ZNF484: variants seen among roughly 807,000 people sequenced by gnomAD.
ZNF484 encodes zinc finger protein 484.
ZNF484 carries 11 observed loss-of-function variants against 12.9 expected under a neutral mutation model. The observed-to-expected ratio is 0.85, with a 90% CI of 0.54 to 1.41. The LOEUF (loss-of-function observed/expected upper bound fraction) is 1.41, where lower values mean the gene tolerates loss of function less well. Among genes scored for constraint, ZNF484 ranks in the 40% most tolerant of loss-of-function variants. ZNF484 has a pLI of 0.00. For missense variants in ZNF484, 807 were observed against 1,007.7 expected (o/e 0.80, Z 2.70); for synonymous variants, 289 against 334.1 (o/e 0.86, Z 1.47).
chr9:92,847,515 C>T lies in ZNF484; in HGVS notation c.1272G>A (p.Lys424=), dbSNP rs1353335168. The change falls in exon 5 of 5, where the codon AAG becomes AAA. Residue 424 remains lysine (K), a synonymous_variant. Coordinates refer to ENST00000375495, the MANE Select transcript of ZNF484 (RefSeq NM_031486.4). The stretch of plus-strand genomic sequence containing the variant: ...TTCTTTCATGTGTGATAAAATGTGA[C>T]TTCCGGATAAAGGCCTTCCCACATT... ...CTECGKAFIR[K]SHFITHERIH... is the part of the protein sequence containing the mutation. 46 of 1,612,890 alleles carry T rather than the reference C, an allele frequency of 2.9e-5. No individual in the cohort carries two copies. Among genetic ancestry groups the T allele is most frequent in the Non-Finnish European group, 3.7e-5 (44 of 1,179,658 alleles).
In ZNF484 at chr9:92,847,566, T is replaced by C. The variant is rs1855741042; in HGVS notation, c.1221A>G (p.Thr407=). The C allele has an allele frequency of 1.2e-6, 2 of 1,614,204 alleles. No individual in the cohort carries two copies. Among genetic ancestry groups the C allele is most frequent in the Non-Finnish European group, 1.7e-6 (2 of 1,180,028 alleles). Residue 407 remains threonine, a synonymous_variant, in exon 5 of 5, where the codon ACA becomes ACG. Coordinates refer to ENST00000375495, the MANE Select transcript of ZNF484 (RefSeq NM_031486.4). ...STLSMHQKIH[T]GEKPYVCTEC... is the part of the protein sequence containing the mutation. Reference sequence around the variant, plus strand: ...CAGTACATACATAAGGTTTTTCTCCTGTATGGATTTTCTGATGCATACTTA... The same window carrying C: ...CAGTACATACATAAGGTTTTTCTCCCGTATGGATTTTCTGATGCATACTTA...
Position 92,847,482 on chromosome 9 carries a change from A to C in ZNF484, c.1305T>G (p.Thr435=). 1 of 1,612,588 alleles carries C rather than the reference A, an allele frequency of 6.2e-7. No individual in the cohort carries two copies. Among genetic ancestry groups the C allele is most frequent in the Non-Finnish European group, 8.5e-7 (1 of 1,179,530 alleles). ...SHFITHERIH[T]GEKPYECSDC... ...CACTGCATTCATAGGGTTTTTCTCC[A>C]GTATGAATTCTTTCATGTGTGATAA... Residue 435 remains threonine, a synonymous_variant, in exon 5 of 5, where the codon ACT becomes ACG. Coordinates refer to ENST00000375495, the MANE Select transcript of ZNF484 (RefSeq NM_031486.4).
At chr9:92,865,075 T>C (rs1856993436) in intron 2 of ZNF484, among the ~76,000 whole-genome samples, 2 of 152,116 alleles carry the variant, frequency 1.3e-5, no homozygotes, top group South Asian at 2.1e-4. Context: ...AGAAAGAGTA[T>C]ATTCATCATT....
chr9:92,874,341 C>T (rs1405774495), intron 2 of ZNF484, among the ~76,000 whole-genome samples: 3 of 140,454 alleles, frequency 2.1e-5, no homozygotes, highest in Admixed American at 7.5e-5. Context: ...GACAGAGTTT[C>T]GCTCTTGTTG....
At chr9:92,873,239 C>G (rs1164918972) in intron 2 of ZNF484, among the ~76,000 whole-genome samples, 1 of 152,150 alleles carries the variant, frequency 6.6e-6, no homozygotes, top group Admixed American at 6.5e-5. Flanking sequence ...AGAAGAGAAC[C>G]CTCATCAGAA....
chr9:92,851,396 T>G (rs1248674983), intron 4 of ZNF484, among the ~76,000 whole-genome samples: 1 of 152,246 alleles, frequency 6.6e-6, no homozygotes, highest in African/African-American at 2.4e-5. Flanking sequence ...GAAATTCAAA[T>G]TTCAGTGTCC....
At chr9:92,851,048 C>T (rs187234097) in intron 4 of ZNF484, among the ~76,000 whole-genome samples, 58 of 152,324 alleles carry the variant, frequency 3.8e-4, no homozygotes, top group Non-Finnish European at 1.5e-5. Context: ...AGCTTGTAGC[C>T]AAGCACATGG....
Position 92,848,238 on chromosome 9 carries a change from C to A in ZNF484, c.549G>T (p.Lys183Asn). 1 of 1,614,190 alleles carries A rather than the reference C, an allele frequency of 6.2e-7. No homozygotes were observed. Among genetic ancestry groups the A allele is most frequent in the Non-Finnish European group, 8.5e-7 (1 of 1,180,032 alleles). ...KRPHNCNSCGKNLEPIITLYN... is the reference protein window; with the variant it reads ...KRPHNCNSCGNNLEPIITLYN... Reference sequence around the variant, plus strand: ...ATAAGGTTATGATAGGCTCCAAATTCTTTCCACACGAGTTACAGTTATGGG... The same window carrying A: ...ATAAGGTTATGATAGGCTCCAAATTATTTCCACACGAGTTACAGTTATGGG... Residue 183 changes from lysine (K) to asparagine (N), a missense_variant, in exon 5 of 5, where the codon AAG (lysine) becomes AAT (asparagine). By Grantham distance (94) the Lys-to-Asn change is moderately conservative (BLOSUM62 0). Transcript: ENST00000375495. The surrounding 1 kb of genome is among the most constrained non-coding windows in gnomAD (Gnocchi z 4.1).
intron 1 of ZNF484, 95 bp downstream of exon 1, chr9:92,877,795 T>G: frequency 6.5e-7 from 1 of 1,535,594 alleles, no homozygotes; most frequent in Non-Finnish European, 8.7e-7. Context: ...CACTATTCCA[T>G]CCACTGACCG....
chr9:92,867,881 T>A (rs1857201812), intron 2 of ZNF484, among the ~76,000 whole-genome samples: 1 of 152,130 alleles, frequency 6.6e-6, no homozygotes, highest in Non-Finnish European at 1.5e-5. Flanking sequence ...AAACTGAGGG[T>A]GGTCTTGGAG....
At chr9:92,863,278 G>GTA (rs1856883550) in intron 2 of ZNF484, among the ~76,000 whole-genome samples, 1 of 110,786 alleles carries the variant, frequency 9.0e-6, no homozygotes, top group Non-Finnish European at 1.7e-5. Flanking sequence ...GAAGGGTGGG[G>GTA]GGTGGGAGAG....
intron 2 of ZNF484, among the ~76,000 whole-genome samples, chr9:92,874,262 T>C (rs1587773485): frequency 6.6e-6 from 1 of 151,948 alleles, no homozygotes; most frequent in Non-Finnish European, 1.5e-5. Flanking sequence ...AGCACTGTTC[T>C]ATAAGACAGC....
At chr9:92,863,618 AAGG>A (rs1856903569) in intron 2 of ZNF484, among the ~76,000 whole-genome samples, 1 of 152,142 alleles carries the variant, frequency 6.6e-6, no homozygotes, top group African/African-American at 2.4e-5. Context: ...GAGTAAGAAA[AAGG>A]AGGAACTAAA....
chr9:92,866,956 A>T (rs1205993459), intron 2 of ZNF484, among the ~76,000 whole-genome samples: 2 of 152,128 alleles, frequency 1.3e-5, no homozygotes, highest in Non-Finnish European at 2.9e-5. Flanking sequence ...ACACACAGAC[A>T]CAGGGCAGGG....
intron 2 of ZNF484, among the ~76,000 whole-genome samples, chr9:92,862,927 A>G (rs1856859759): frequency 6.6e-6 from 1 of 152,170 alleles, no homozygotes; most frequent in African/African-American, 2.4e-5. Context: ...TATATACCCA[A>G]AGGAATATAA....
chr9:92,856,101 T>C, intron 3 of ZNF484, 91 bp downstream of exon 3: 2 of 1,551,094 alleles, frequency 1.3e-6, no homozygotes, highest in South Asian at 2.4e-5. Flanking sequence ...CCCACATACC[T>C]CAGAAAACAC....
At chr9:92,863,253 C>CT (rs1001975277) in intron 2 of ZNF484, among the ~76,000 whole-genome samples, 2 of 128,388 alleles carry the variant, frequency 1.6e-5, no homozygotes, top group African/African-American at 3.0e-5. Context: ...ACAACACTCA[C>CT]TGGGGCCTGT....
intron 2 of ZNF484, among the ~76,000 whole-genome samples, chr9:92,870,974 G>C (rs1857395607): frequency 6.6e-6 from 1 of 152,160 alleles, no homozygotes; most frequent in African/African-American, 2.4e-5. Flanking sequence ...GAGGACGCCT[G>C]CTAAAAAAGA....
At chr9:92,855,623 T>C (rs984983727) in intron 4 of ZNF484, among the ~76,000 whole-genome samples, 188 bp downstream of exon 4, 6 of 152,196 alleles carry the variant, frequency 3.9e-5, no homozygotes, top group African/African-American at 1.4e-4. Context: ...GGCATTGATA[T>C]GAGAAGGGAT....
Sources: allele counts gnomAD v4.1 joint callset (sites outside exome capture counted in the v4.1 genomes callset), GRCh38; gene constraint gnomAD v4.1.1; non-coding constraint Gnocchi (gnomAD v3.1); transcripts MANE v1.5; gene names NCBI Gene and HGNC (gene_info 2026-07-23, HGNC 2026-07-21).